TSPAN2: variants seen among roughly 807,000 people sequenced by gnomAD.
TSPAN2 encodes tetraspanin 2, also known as tetraspanin-2.
TSPAN2 carries 24 observed loss-of-function variants against 33.3 expected under a neutral mutation model. The ratio of observed to expected loss-of-function variants is 0.72; its 90% CI spans 0.52 to 1.01. The LOEUF is 1.01. Among genes scored for constraint, TSPAN2 ranks in the 50% least tolerant of loss-of-function variants. The pLI is 0.00. For missense variants in TSPAN2, 278 were observed against 281.3 expected, an observed-to-expected ratio of 0.99 and a Z score of 0.08; for synonymous variants, 114 against 104.5, an observed-to-expected ratio of 1.09 and a Z score of -0.56.
At chr1:115,073,091 T>C in intron 1 of TSPAN2, 84 bp from the exon 2 acceptor site, 1 of 1,162,684 alleles carries the variant, frequency 8.6e-7, no homozygotes, top group South Asian at 1.2e-5. Flanking sequence ...CACAGGATGC[T>C]GACAAGGTCA....
chr1:115,059,169 G>A (rs747925773), intron 4 of TSPAN2, among the ~76,000 whole-genome samples, 188 bp from the exon 5 acceptor site: 6 of 152,064 alleles, frequency 3.9e-5, no homozygotes, highest in African/African-American at 4.8e-5. Context: ...ACTGCACATT[G>A]GGTACAGTGT....
At chr1:115,081,572 T>G (rs1017921669) in intron 1 of TSPAN2, among the ~76,000 whole-genome samples, 5 of 152,194 alleles carry the variant, frequency 3.3e-5, no homozygotes, top group Admixed American at 2.0e-4. Context: ...TCTACGCATT[T>G]GGGTTTGAAT....
rs1647476956 is a variant in TSPAN2, at chr1:115,057,467, T to C, written c.516+70A>G. On this transcript the variant is annotated intron_variant, in intron 6 of 7. Coordinates refer to ENST00000369516, the MANE Select transcript of TSPAN2 (RefSeq NM_005725.6). ...AAAATGCAGATCCCATCCGAGATTC[T>C]ACCTTCAATGGCTTCCTAAGCTAGC... is the stretch of plus-strand genomic sequence containing the variant. 6 of 1,453,502 alleles carry C rather than the reference T, an allele frequency of 4.1e-6. No homozygotes were observed. The East Asian group carries it at 1.4e-4, about 33-fold the overall frequency. The allele number at this position is 1,453,502 out of a possible 1,614,324, so 90.0% of individuals were successfully genotyped here.
chr1:115,068,896 C>T (rs993907680), intron 2 of TSPAN2, among the ~76,000 whole-genome samples: 9 of 152,264 alleles, frequency 5.9e-5, no homozygotes, highest in South Asian at 4.1e-4. Context: ...GAGGCAGCAC[C>T]GGGAGACAGG....
At chr1:115,066,645 G>C (rs1001215320) in intron 2 of TSPAN2, among the ~76,000 whole-genome samples, 1 of 151,988 alleles carries the variant, frequency 6.6e-6, no homozygotes, top group Non-Finnish European at 1.5e-5. Context: ...TGGCTTTCTA[G>C]CAGCAGATGG....
chr1:115,049,396 A>C lies in TSPAN2; in HGVS notation c.*1094T>G, dbSNP rs940112706. On this transcript the variant is annotated 3_prime_UTR_variant, in exon 8 of 8. Coordinates refer to ENST00000369516, the MANE Select transcript of TSPAN2 (RefSeq NM_005725.6). ...GATGCTAATGGTTAAATTATGAAGG[A>C]CTTTGTTTTACTTATGTTAAGTGGT... The C allele has an allele frequency of 6.6e-6, 1 of 152,560 alleles. No individual in the cohort carries two copies. Among genetic ancestry groups the C allele is most frequent in the Non-Finnish European group, 1.5e-5 (1 of 67,994 alleles). The allele number at this position is 152,560 out of a possible 1,614,324, so 9.5% of individuals were successfully genotyped here. A position where few individuals can be genotyped will look rare whatever the true frequency, so the allele number is the denominator to read the frequency against.
chr1:115,053,380 G>C lies in TSPAN2; in HGVS notation c.599C>G (p.Thr200Arg). The change falls in exon 7 of 8, where the codon ACG becomes AGG. Residue 200 changes from threonine (T) to arginine (R), a missense_variant and splice_region_variant. Physicochemically the swap from Thr to Arg is moderately conservative, Grantham distance 71 (BLOSUM62 -1). Coordinates refer to ENST00000369516, the MANE Select transcript of TSPAN2 (RefSeq NM_005725.6). ...GIVGIGIAGL[T>R]IFGMIFSMVL... ...GGGTAAGTTCTAGAACTTTCTCACC[G>C]TCAGACCTGCAATTCCAATACCGAC... The C allele has an allele frequency of 6.2e-7, 1 of 1,613,658 alleles. No individual in the cohort carries two copies. The highest frequency in any genetic ancestry group is 8.5e-7 in the Non-Finnish European group (1 of 1,179,680).
intron 2 of TSPAN2, among the ~76,000 whole-genome samples, chr1:115,071,423 C>A (rs542305302): frequency 9.9e-5 from 15 of 152,246 alleles, no homozygotes; most frequent in African/African-American, 3.4e-4. Flanking sequence ...GGGGAGATGT[C>A]TAAGGACACT....
rs1675270139 is a variant in TSPAN2, at chr1:115,050,038, T to G, written c.*452A>C. 4.4e-6 allele frequency: 1 copy of G among 228,756 alleles called. No homozygotes were observed. The highest frequency in any genetic ancestry group is 8.6e-6 in the Non-Finnish European group (1 of 115,864). The allele number at this position is 228,756 out of a possible 1,614,324, so 14.2% of individuals were successfully genotyped here. On this transcript the variant is annotated 3_prime_UTR_variant, in exon 8 of 8. Transcript: ENST00000369516. Reference sequence around the variant, plus strand: ...TTGTGATCTCTCAATTCTTACAGCTTATTACTTCCATTAAGAAGAAATCTC... The same window carrying G: ...TTGTGATCTCTCAATTCTTACAGCTGATTACTTCCATTAAGAAGAAATCTC...
chr1:115,076,879 T>G (rs745734391), intron 1 of TSPAN2, among the ~76,000 whole-genome samples: 1 of 151,336 alleles, frequency 6.6e-6, no homozygotes, highest in East Asian at 1.9e-4. Flanking sequence ...CCCACCAGAA[T>G]GCACATGAGA....
At chr1:115,076,569 A>G (rs958749303) in intron 1 of TSPAN2, among the ~76,000 whole-genome samples, 1 of 152,148 alleles carries the variant, frequency 6.6e-6, no homozygotes, top group African/African-American at 2.4e-5. Context: ...TCATTGAAGA[A>G]CTTTGCTGAG....
intron 7 of TSPAN2, among the ~76,000 whole-genome samples, chr1:115,052,210 G>A (rs1675333724): frequency 6.6e-6 from 1 of 152,170 alleles, no homozygotes; most frequent in African/African-American, 2.4e-5. Flanking sequence ...CCTCAGCAGA[G>A]TATTTCCAGC....
chr1:115,083,346 G>T (rs1648702399), intron 1 of TSPAN2, among the ~76,000 whole-genome samples: 1 of 152,214 alleles, frequency 6.6e-6, no homozygotes, highest in Admixed American at 6.5e-5. Flanking sequence ...CAATGGACAG[G>T]TGGCCTCCCG....
chr1:115,078,213 G>T lies in TSPAN2; in HGVS notation c.70-5206C>A, dbSNP rs940185657. On this transcript the variant is annotated intron_variant, in intron 1 of 7. Transcript: ENST00000369516. ...AGGGAAGCCTACCATGACCTAGATA[G>T]GTACCTTCTTTTATATCTCACATAA... Among the ~76,000 whole-genome samples the T allele has an allele frequency of 3.3e-5, 5 of 152,262 alleles. No homozygotes were observed. In the South Asian group the frequency reaches 8.3e-4, roughly 25 times the overall value.
intron 1 of TSPAN2, among the ~76,000 whole-genome samples, chr1:115,073,932 T>G (rs576342231): frequency 2.0e-5 from 3 of 152,256 alleles, no homozygotes; most frequent in Admixed American, 1.3e-4. Flanking sequence ...CCACGGTGTT[T>G]TCTCTCCACA....
In TSPAN2 at chr1:115,062,157, T is replaced by G; in HGVS notation, c.248A>C (p.Glu83Ala). 6.4e-7 allele frequency: 1 copy of G among 1,557,866 alleles called. No individual in the cohort carries two copies. Among genetic ancestry groups the G allele is most frequent in the South Asian group, 1.1e-5 (1 of 87,798 alleles). Reference sequence around the variant, plus strand: ...TACTGATCCAAGCACACATTGCGACTCCCGCATGGCTCCGCAGCACCCGAA... The same window carrying G: ...TACTGATCCAAGCACACATTGCGACGCCCGCATGGCTCCGCAGCACCCGAA... ...GFFGCCGAMRESQCVLGSFFT... is the reference protein window; with the variant it reads ...GFFGCCGAMRASQCVLGSFFT... Residue 83 changes from glutamate to alanine, a missense_variant, in exon 3 of 8, where the codon GAG becomes GCG. By Grantham distance (107) the Glu-to-Ala change is moderately radical (BLOSUM62 -1). Transcript: ENST00000369516.
intron 4 of TSPAN2, among the ~76,000 whole-genome samples, chr1:115,059,784 G>A (rs1455562837): frequency 6.6e-6 from 1 of 152,086 alleles, no homozygotes; most frequent in Non-Finnish European, 1.5e-5. Context: ...TCAAAAGGAG[G>A]TGACATTTAC....
At chr1:115,080,007 G>A (rs1030561657) in intron 1 of TSPAN2, among the ~76,000 whole-genome samples, 1 of 152,212 alleles carries the variant, frequency 6.6e-6, no homozygotes, top group Non-Finnish European at 1.5e-5. Flanking sequence ...CCTTCAGTTT[G>A]TTTAAATTGT....
intron 1 of TSPAN2, 71 bp from the exon 2 acceptor site, chr1:115,073,078 A>G: frequency 7.6e-7 from 1 of 1,308,472 alleles, no homozygotes; most frequent in South Asian, 1.2e-5. Context: ...AGCAGGCTCT[A>G]GGCACAGGAT....
Sources: gnomAD v4.1 joint callset for allele counts (sites outside exome capture counted in the v4.1 genomes callset) on GRCh38, gnomAD v4.1.1 for gene constraint, MANE v1.5 for transcripts, NCBI Gene and HGNC (gene_info 2026-07-23, HGNC 2026-07-21) for gene names.